Variants in SULT1B1 observed in about 807,000 individuals in gnomAD.
SULT1B1 encodes the protein sulfotransferase family 1B member 1, also known as sulfotransferase 1B1.
A neutral mutation model predicts 34.6 loss-of-function variants in SULT1B1; 28 were observed. The observed-to-expected ratio is 0.81, with a 90% confidence interval of 0.60 to 1.11. The LOEUF is 1.11. Ranked by LOEUF, SULT1B1 falls within the 50% of genes least tolerant of loss-of-function variation. The pLI, the probability that SULT1B1 is intolerant of heterozygous loss-of-function variation, is 0.00. For missense variants in SULT1B1, 374 were observed against 352.2 expected, an observed-to-expected ratio of 1.06 and a Z score of -0.50; for synonymous variants, 147 against 110.2, an observed-to-expected ratio of 1.33 and a Z score of -2.09.
At chr4:69,757,097 AC>A (rs1719222370) in intron 1 of SULT1B1, among the ~76,000 whole-genome samples, 1 of 151,948 alleles carries the variant, frequency 6.6e-6, no homozygotes, top group South Asian at 2.1e-4. Context: ...TATTTTTTCC[AC>A]TATTTCCACT....
intron 4 of SULT1B1, among the ~76,000 whole-genome samples, chr4:69,739,591 G>C (rs1718459920): frequency 6.6e-6 from 1 of 152,212 alleles, no homozygotes; most frequent in East Asian, 1.9e-4. Context: ...AGGCCTCTGG[G>C]CCTGTGATGG....
rs1717687412 is a variant in SULT1B1, at chr4:69,722,495, G to C, written c.*4593C>G. ...CTCGTGGACAAGGGTATTGGAGAAA[G>C]CTGGAACTAGTTCACAATACCTTTA... On this transcript the variant is annotated 3_prime_UTR_variant, in exon 8 of 8. Coordinates refer to ENST00000310613, the MANE Select transcript of SULT1B1 (RefSeq NM_014465.4). 1 of 152,050 alleles carries C rather than the reference G, an allele frequency of 6.6e-6. No homozygotes were observed. Among genetic ancestry groups the C allele is most frequent in the South Asian group, 2.1e-4 (1 of 4,822 alleles). The allele number at this position is 152,050 out of a possible 1,614,324, so 9.4% of individuals were successfully genotyped here. A position where few individuals can be genotyped will look rare whatever the true frequency, so the allele number is the denominator to read the frequency against.
intron 4 of SULT1B1, among the ~76,000 whole-genome samples, chr4:69,748,762 A>C (rs1718852664): frequency 6.6e-6 from 1 of 152,210 alleles, no homozygotes; most frequent in South Asian, 2.1e-4. Flanking sequence ...AAAATCTTGC[A>C]GTAAATGAGG....
rs188215311 is a variant in SULT1B1 at position 69,758,950 on chromosome 4, G to A, written c.-45+1509C>T. The stretch of plus-strand genomic sequence containing the variant: ...GCTTGTTGGAAATGTGGAATCTCAG[G>A]TTTCAACCCAGAATCAGAATCTACA... On this transcript the variant is annotated intron_variant, in intron 1 of 7. Coordinates refer to ENST00000310613, the MANE Select transcript of SULT1B1 (RefSeq NM_014465.4). Among the ~76,000 whole-genome samples the A allele has an allele frequency of 3.2e-3, 489 of 152,250 alleles. 4 individuals carry two copies. Among genetic ancestry groups the A allele is most frequent in the African/African-American group, 0.011 (458 of 41,562 alleles).
chr4:69,758,263 G>A, intron 1 of SULT1B1: 3 of 975,384 alleles, frequency 3.1e-6, no homozygotes, highest in Non-Finnish European at 3.7e-6. Flanking sequence ...TGAATAAATT[G>A]AATGAAGAAA....
intron 4 of SULT1B1, among the ~76,000 whole-genome samples, chr4:69,747,214 G>A (rs754717468): frequency 9.2e-5 from 14 of 152,226 alleles, no homozygotes; most frequent in African/African-American, 1.7e-4. Flanking sequence ...CTTATGTAGC[G>A]ATGGAGCAGT....
At chr4:69,750,924 C>T (rs1250652838) in intron 3 of SULT1B1, among the ~76,000 whole-genome samples, 2 of 152,050 alleles carry the variant, frequency 1.3e-5, no homozygotes, top group African/African-American at 4.8e-5. Context: ...GTTTGGCATA[C>T]AGGAAATTAA....
In SULT1B1 at chr4:69,721,264, T is replaced by C. The variant is rs1232566176; in HGVS notation, c.*5824A>G. The C allele has an allele frequency of 6.6e-6, 1 of 152,118 alleles. No homozygotes were observed. The highest frequency in any genetic ancestry group is 1.5e-5 in the Non-Finnish European group (1 of 68,010). The allele number at this position is 152,118 out of a possible 1,614,324, so 9.4% of individuals were successfully genotyped here. A position where few individuals can be genotyped will look rare whatever the true frequency, so the allele number is the denominator to read the frequency against. ...GTCTCGATAATGTGGAAATTTTACA[T>C]ATATATATAAAACAGTTCTAATGAT... On this transcript the variant is annotated 3_prime_UTR_variant, in exon 8 of 8. Coordinates refer to ENST00000310613, the MANE Select transcript of SULT1B1 (RefSeq NM_014465.4).
intron 3 of SULT1B1, among the ~76,000 whole-genome samples, chr4:69,750,519 A>T (rs1009553001): frequency 6.6e-6 from 1 of 152,130 alleles, no homozygotes; most frequent in Admixed American, 6.5e-5. Flanking sequence ...TACAGTCTAA[A>T]CTCTAGAATA....
At chr4:69,728,807 A>G (rs183763229) in intron 7 of SULT1B1, among the ~76,000 whole-genome samples, 1 of 152,152 alleles carries the variant, frequency 6.6e-6, no homozygotes, top group East Asian at 1.9e-4. Flanking sequence ...AGGTGTTATT[A>G]TATTATCTAT....
In SULT1B1 at chr4:69,723,625, A is replaced by C. The variant is rs1717720856; in HGVS notation, c.*3463T>G. 1 of 152,270 alleles carries C rather than the reference A, an allele frequency of 6.6e-6. No homozygotes were observed. Among genetic ancestry groups the C allele is most frequent in the South Asian group, 2.1e-4 (1 of 4,830 alleles). 9.4% of individuals were successfully genotyped at this position (152,270 alleles called of 1,614,324 possible). ...GATGAACATTGATGCAAAAATCCTCAATAAAATACTGGCAAACCGAATCCA... is the reference window on the plus strand; with the variant it reads ...GATGAACATTGATGCAAAAATCCTCCATAAAATACTGGCAAACCGAATCCA... On this transcript the variant is annotated 3_prime_UTR_variant, in exon 8 of 8. Transcript: ENST00000310613.
At chr4:69,740,551 TG>T (rs1718507176) in intron 4 of SULT1B1, among the ~76,000 whole-genome samples, 2 of 152,194 alleles carry the variant, frequency 1.3e-5, no homozygotes, top group South Asian at 2.1e-4. Context: ...AGGTGAGATT[TG>T]GGTAGAGACA....
Position 69,726,033 on chromosome 4 carries a change from CATATATATATATATAT to C in SULT1B1, c.*1039_*1054del, listed in dbSNP as rs756017821. On this transcript the variant is annotated 3_prime_UTR_variant, in exon 8 of 8. Transcript: ENST00000310613. ...ACTTAAAGTATAATAATAAAATGTACATATATATATATATATATATATATATATATATATATATATA... is the reference window on the plus strand; with the variant it reads ...ACTTAAAGTATAATAATAAAATGTACATATATATATATATATATATATATA... 316 of 29,162 alleles carry C rather than the reference CATATATATATATATAT, an allele frequency of 0.011. 11 individuals carry two copies. Among genetic ancestry groups the C allele is most frequent in the Middle Eastern group, 0.05 (1 of 20 alleles). The allele number at this position is 29,162 out of a possible 1,614,324, so 1.8% of individuals were successfully genotyped here. A position where few individuals can be genotyped will look rare whatever the true frequency, so the allele number is the denominator to read the frequency against.
At chr4:69,758,035 T>C (rs1183281125) in intron 1 of SULT1B1, among the ~76,000 whole-genome samples, 1 of 152,214 alleles carries the variant, frequency 6.6e-6, no homozygotes, top group Non-Finnish European at 1.5e-5. Flanking sequence ...GCTTCTCAGT[T>C]ATCCTCCATT....
At position 69,726,012 on chromosome 4, in the gene SULT1B1, A is replaced by T. The variant is rs1410721116; in HGVS notation, c.*1076T>A. 1 of 127,034 alleles carries T rather than the reference A, an allele frequency of 7.9e-6. No individual in the cohort carries two copies. The highest frequency in any genetic ancestry group is 2.7e-4 in the South Asian group (1 of 3,688). 7.9% of individuals were successfully genotyped at this position (127,034 alleles called of 1,614,324 possible). On this transcript the variant is annotated 3_prime_UTR_variant, in exon 8 of 8. Transcript: ENST00000310613. ...ATTGTGCACATGTAACCTGGAACTT[A>T]AAGTATAATAATAAAATGTACATAT...
At chr4:69,732,993 G>A (rs936376489) in intron 6 of SULT1B1, among the ~76,000 whole-genome samples, 2 of 152,082 alleles carry the variant, frequency 1.3e-5, no homozygotes, top group Non-Finnish European at 2.9e-5. Context: ...CGAGGTAGAA[G>A]TGAAAATGCA....
intron 4 of SULT1B1, among the ~76,000 whole-genome samples, chr4:69,735,566 C>T (rs36054574): frequency 0.21 from 31,919 of 152,110 alleles, 4,036 homozygotes; most frequent in Non-Finnish European, 0.29. Context: ...CTCCCAGGCC[C>T]GAAGGCTTCT....
chr4:69,727,226 A>G (rs917853606), intron 7 of SULT1B1, 26 bp from the exon 8 acceptor site: 2 of 1,569,988 alleles, frequency 1.3e-6, no homozygotes, highest in African/African-American at 2.7e-5. Context: ...AAAACATAGG[A>G]AAGAATAAAA....
At chr4:69,745,184 T>C (rs1718704935) in intron 4 of SULT1B1, among the ~76,000 whole-genome samples, 1 of 152,238 alleles carries the variant, frequency 6.6e-6, no homozygotes. Flanking sequence ...ATGTGCCATC[T>C]GCAGATGAGA....
Sources: allele counts gnomAD v4.1 joint callset (sites outside exome capture counted in the v4.1 genomes callset), GRCh38; gene constraint gnomAD v4.1.1; transcripts MANE v1.5; gene names NCBI Gene and HGNC (gene_info 2026-07-23, HGNC 2026-07-21).